Variants in VASP observed in about 807,000 individuals in gnomAD.
VASP encodes the protein vasodilator stimulated phosphoprotein.
In VASP, 27 loss-of-function variants were observed where a neutral mutation model predicts 54.4. That is an observed-to-expected ratio of 0.50 (90% CI 0.37 to 0.68). VASP has a LOEUF of 0.68. VASP is among the 30% of genes least tolerant of loss of function. VASP has a pLI of 0.00. For synonymous variants in VASP, 233 were observed against 209.8 expected (o/e 1.11, Z -0.96); for missense variants, 488 against 528.3 (o/e 0.92, Z 0.75).
Position 45,522,528 on chromosome 19 carries a change from G to T in VASP, c.667G>T (p.Ala223Ser). ...AQGPGGGGAG[A>S]PGLAAAIAGA... is the part of the protein sequence containing the mutation. ...GGGCCCTGGTGGTGGGGGAGCTGGG[G>T]CCCCAGGCCTGGCCGCAGCTATTGC... The change falls in exon 6 of 13, where the codon GCC becomes TCC. Residue 223 changes from alanine to serine, a missense_variant. Physicochemically the swap from Ala to Ser is moderately conservative, Grantham distance 99 (BLOSUM62 1). Coordinates refer to ENST00000245932, the MANE Select transcript of VASP (RefSeq NM_003370.4). 1.4e-6 allele frequency: 2 copies of T among 1,455,480 alleles called. No individual in the cohort carries two copies. The highest frequency in any genetic ancestry group is 1.8e-6 in the Non-Finnish European group (2 of 1,109,112). The allele number at this position is 1,455,480 out of a possible 1,614,324, so 90.2% of individuals were successfully genotyped here.
chr19:45,523,277 A>G (rs1968886162), intron 7 of VASP, among the ~76,000 whole-genome samples: 1 of 125,316 alleles, frequency 8.0e-6, no homozygotes, highest in African/African-American at 3.2e-5. Context: ...ATCTCGGTCC[A>G]CTGCAACCTC....
intron 1 of VASP, among the ~76,000 whole-genome samples, chr19:45,516,858 G>C (rs942393430): frequency 3.0e-4 from 45 of 151,606 alleles, no homozygotes; most frequent in African/African-American, 1.1e-3. Flanking sequence ...AAATTAGCTG[G>C]GCTTGGTGGT....
chr19:45,522,410 C>T lies in VASP; in HGVS notation c.549C>T (p.Pro183=), dbSNP rs889964742. The change falls in exon 6 of 13, where the codon CCC becomes CCT. Residue 183 remains proline, a synonymous_variant. Transcript: ENST00000245932. ...PPGPPPPPGP[P]PPPGLPPSGV... ...GACCTCCCCCTCCTCCAGGTCCCCC[C>T]CCACCCCCAGGTTTGCCCCCTTCGG... The T allele has an allele frequency of 1.6e-5, 25 of 1,532,848 alleles. No homozygotes were observed. The African/African-American group carries it at 3.3e-4, about 20-fold the overall frequency. 95.0% of individuals were successfully genotyped at this position (1,532,848 alleles called of 1,614,324 possible). A position where few individuals can be genotyped will look rare whatever the true frequency, so the allele number is the denominator to read the frequency against.
rs1968833596 is a variant in VASP at position 45,521,503 on chromosome 19, C to T, written c.428+97C>T. ...TAGAGTTCAGAACCCAGCCAACTTGCAGTTTTCAGAATGTTCAAGAAACTT... is the reference window on the plus strand; with the variant it reads ...TAGAGTTCAGAACCCAGCCAACTTGTAGTTTTCAGAATGTTCAAGAAACTT... On this transcript the variant is annotated intron_variant, in intron 4 of 12. Transcript: ENST00000245932. The T allele has an allele frequency of 7.9e-6, 9 of 1,145,810 alleles. No individual in the cohort carries two copies. In the South Asian group the frequency reaches 1.5e-4, roughly 19 times the overall value. 71.0% of individuals were successfully genotyped at this position (1,145,810 alleles called of 1,614,324 possible). A position where few individuals can be genotyped will look rare whatever the true frequency, so the allele number is the denominator to read the frequency against.
rs1167379020 is a variant in VASP, at chr19:45,522,737, G to A, written c.740G>A (p.Gly247Glu). Reference protein sequence around the residue: ...KVSKQEEASGGPTAPKAESGR... With the variant: ...KVSKQEEASGEPTAPKAESGR... ...CTCCAGCAGGAGGAGGCCTCAGGGG[G>A]GCCCACAGCCCCCAAAGCTGAGAGT... is the stretch of plus-strand genomic sequence containing the variant. The change falls in exon 7 of 13, where the codon GGG becomes GAG. Residue 247 changes from glycine to glutamate, a missense_variant. Physicochemically the swap from Gly to Glu is moderately conservative, Grantham distance 98 (BLOSUM62 -2). Around this residue, in one of 4 missense-constraint regions of VASP, gnomAD observed 226 missense variants for 196.0 expected, o/e 1.15. Transcript: ENST00000245932. The A allele has an allele frequency of 3.7e-6, 6 of 1,603,344 alleles. No homozygotes were observed. The highest frequency in any genetic ancestry group is 2.2e-5 in the East Asian group (1 of 44,538).
intron 1 of VASP, among the ~76,000 whole-genome samples, chr19:45,517,405 CCT>C (rs896575652): frequency 6.6e-6 from 1 of 151,852 alleles, no homozygotes; most frequent in Non-Finnish European, 1.5e-5. Flanking sequence ...GTCTGTCTCT[CCT>C]CTTTGTCAAC....
chr19:45,516,983 C>CAAAAAAAAAAAA (rs112095290), intron 1 of VASP, among the ~76,000 whole-genome samples: 2 of 57,868 alleles, frequency 3.5e-5, no homozygotes, highest in African/African-American at 1.4e-4. Flanking sequence ...GACTCTGTCT[C>CAAAAAAAAAAAA]AAAAAAAAAA....
chr19:45,522,747 C>G lies in VASP; in HGVS notation c.750C>G (p.Ala250=). The change falls in exon 7 of 13, where the codon GCC becomes GCG. Residue 250 remains alanine (A), a synonymous_variant. Transcript: ENST00000245932. ...AGGAGGCCTCAGGGGGGCCCACAGC[C>G]CCCAAAGCTGAGAGTGGTCGAAGCG... is the stretch of plus-strand genomic sequence containing the variant. ...KQEEASGGPT[A]PKAESGRSGG... is the part of the protein sequence containing the mutation. The G allele has an allele frequency of 6.2e-7, 1 of 1,603,038 alleles. No individual in the cohort carries two copies. The highest frequency in any genetic ancestry group is 2.2e-5 in the East Asian group (1 of 44,528).
Position 45,507,615 on chromosome 19 carries a change from C to T in VASP, c.-157C>T. ...GCGGCGCCCGGAGACCCGCCCCGGCCCGGTCCACATTCTCCCCAGGAAGCC... is the reference window on the plus strand; with the variant it reads ...GCGGCGCCCGGAGACCCGCCCCGGCTCGGTCCACATTCTCCCCAGGAAGCC... On this transcript the variant is annotated 5_prime_UTR_variant, in exon 1 of 13. Coordinates refer to ENST00000245932, the MANE Select transcript of VASP (RefSeq NM_003370.4). This position sits in a 1 kb window ranked among gnomAD's most constrained non-coding sequence, Gnocchi z 4.4. 1 of 905,184 alleles carries T rather than the reference C, an allele frequency of 1.1e-6. No individual in the cohort carries two copies. The highest frequency in any genetic ancestry group is 1.6e-6 in the Non-Finnish European group (1 of 631,066). 56.1% of individuals were successfully genotyped at this position (905,184 alleles called of 1,614,324 possible). A position where few individuals can be genotyped will look rare whatever the true frequency, so the allele number is the denominator to read the frequency against.
chr19:45,510,414 T>G (rs1303567353), intron 1 of VASP, among the ~76,000 whole-genome samples: 1 of 152,000 alleles, frequency 6.6e-6, no homozygotes, highest in Non-Finnish European at 1.5e-5. Context: ...TTAGTAGAGA[T>G]AGGGTTTCAC....
At chr19:45,524,904 A>G (rs773095116) in intron 11 of VASP, 7 of 406,834 alleles carry the variant, frequency 1.7e-5, no homozygotes, top group Non-Finnish European at 2.8e-5. Flanking sequence ...CTTTCCGCAC[A>G]TTGACCCAGC....
At chr19:45,518,186 C>A in intron 3 of VASP, 92 bp downstream of exon 3, 2 of 1,481,618 alleles carry the variant, frequency 1.3e-6, no homozygotes, top group Non-Finnish European at 1.8e-6. Context: ...GTTTACTCGT[C>A]GGTAAAATAG....
intron 1 of VASP, among the ~76,000 whole-genome samples, chr19:45,517,115 C>CA (rs1325034517): frequency 1.3e-5 from 2 of 150,236 alleles, no homozygotes; most frequent in Non-Finnish European, 3.0e-5. Flanking sequence ...ACCTGGGTGA[C>CA]AGAGAGCAAG....
intron 8 of VASP, 41 bp downstream of exon 8, chr19:45,523,736 T>G: frequency 6.2e-7 from 1 of 1,613,944 alleles, no homozygotes; most frequent in Non-Finnish European, 8.5e-7. Flanking sequence ...TCTTAGGCCG[T>G]ACCATGAGGG....
intron 1 of VASP, among the ~76,000 whole-genome samples, chr19:45,511,178 G>A (rs148497942): frequency 3.7e-4 from 56 of 152,208 alleles, no homozygotes; most frequent in African/African-American, 1.3e-3. Context: ...TGGTGTATAT[G>A]TATCATAGGT....
chr19:45,508,104 G>A (rs569509253), intron 1 of VASP, among the ~76,000 whole-genome samples: 1 of 151,828 alleles, frequency 6.6e-6, no homozygotes, highest in African/African-American at 2.4e-5. Flanking sequence ...CAGGATTGAG[G>A]CAGGGCTCAG....
rs886528075 is a variant in VASP at position 45,517,853 on chromosome 19, C to G, written c.177+19C>G. 70 of 1,611,302 alleles carry G rather than the reference C, an allele frequency of 4.3e-5. No homozygotes were observed. Among genetic ancestry groups the G allele is most frequent in the Non-Finnish European group, 5.5e-5 (65 of 1,179,234 alleles). The stretch of plus-strand genomic sequence containing the variant: ...CCAGCAGGTGCAGCTTCCCGCCGGC[C>G]CCCTCTGTGGGCTGAACCCCTACCC... On this transcript the variant is annotated intron_variant, in intron 2 of 12. Transcript: ENST00000245932.
At chr19:45,519,140 G>A (rs1179703586) in intron 3 of VASP, among the ~76,000 whole-genome samples, 1 of 152,176 alleles carries the variant, frequency 6.6e-6, no homozygotes, top group African/African-American at 2.4e-5. Flanking sequence ...CTAGCCTCCC[G>A]AGTAGCTGGG....
chr19:45,508,883 G>A (rs1294017391), intron 1 of VASP, among the ~76,000 whole-genome samples: 1 of 152,208 alleles, frequency 6.6e-6, no homozygotes, highest in Non-Finnish European at 1.5e-5. Context: ...GCTCACCTGA[G>A]GGCGGGGCCA....
Sources: allele counts gnomAD v4.1 joint callset (sites outside exome capture counted in the v4.1 genomes callset), GRCh38; gene constraint gnomAD v4.1.1; regional missense constraint gnomAD v4.1.1; non-coding constraint Gnocchi (gnomAD v3.1); transcripts MANE v1.5; gene names NCBI Gene and HGNC (gene_info 2026-07-23, HGNC 2026-07-21).